AP1AR: variants seen among roughly 807,000 people sequenced by gnomAD.
AP1AR encodes AP-1 complex-associated regulatory protein.
AP1AR carries 29 observed loss-of-function variants against 46.3 expected under a neutral mutation model. That is an observed-to-expected ratio of 0.63 (90% CI 0.47 to 0.85). The LOEUF is 0.85. Ranked by LOEUF, AP1AR falls within the 40% of genes least tolerant of loss-of-function variation. The probability of loss-of-function intolerance (pLI) is 0.00; values close to 1 mark genes in which losing one functional copy is unlikely to be tolerated. For synonymous variants in AP1AR, 122 were observed against 122.9 expected (o/e 0.99, Z 0.05); for missense variants, 357 against 356.3 (o/e 1.00, Z -0.02).
chr4:112,234,377 G>C (rs1237848475), intron 1 of AP1AR, among the ~76,000 whole-genome samples: 1 of 152,180 alleles, frequency 6.6e-6, no homozygotes, highest in African/African-American at 2.4e-5. Context: ...TACTCAACTT[G>C]TGGTTGGATT....
chr4:112,237,254 G>A (rs1331454481), intron 1 of AP1AR, among the ~76,000 whole-genome samples: 3 of 151,958 alleles, frequency 2.0e-5, no homozygotes, highest in African/African-American at 7.2e-5. Flanking sequence ...TTACAGGTGT[G>A]TGCCACCACA....
chr4:112,263,995 A>C (rs959578344), intron 6 of AP1AR, among the ~76,000 whole-genome samples: 3 of 152,204 alleles, frequency 2.0e-5, no homozygotes, highest in African/African-American at 7.2e-5. Flanking sequence ...TGTAAAACTT[A>C]GAGAAACTGA....
chr4:112,255,475 G>T (rs1175644019), intron 3 of AP1AR, among the ~76,000 whole-genome samples: 2 of 152,036 alleles, frequency 1.3e-5, no homozygotes, highest in African/African-American at 4.8e-5. Context: ...TCGCTATGTT[G>T]CCCAGGCTGG....
chr4:112,270,762 G>T lies in AP1AR; in HGVS notation c.*2353G>T, dbSNP rs977437412. Among the ~76,000 whole-genome samples the T allele has an allele frequency of 6.6e-6, 1 of 152,154 alleles. No individual in the cohort carries two copies. The highest frequency in any genetic ancestry group is 2.4e-5 in the African/African-American group (1 of 41,448). On this transcript the variant is annotated 3_prime_UTR_variant, in exon 10 of 10. Transcript: ENST00000274000. ...AGTGGTATGAGATGATACTGGAGTGGTAGTTAAGGGCCAGATGATGCAAGA... is the reference window on the plus strand; with the variant it reads ...AGTGGTATGAGATGATACTGGAGTGTTAGTTAAGGGCCAGATGATGCAAGA...
chr4:112,241,936 CTT>C (rs1179329492), intron 1 of AP1AR, among the ~76,000 whole-genome samples: 1 of 151,852 alleles, frequency 6.6e-6, no homozygotes, highest in Non-Finnish European at 1.5e-5. Context: ...TTTTAATAGA[CTT>C]TGGAACAATT....
intron 1 of AP1AR, among the ~76,000 whole-genome samples, chr4:112,249,293 A>G (rs1441452327): frequency 6.6e-6 from 1 of 151,012 alleles, no homozygotes; most frequent in Non-Finnish European, 1.5e-5. Flanking sequence ...CTCTGTCTCC[A>G]AAAATAAAAT....
intron 1 of AP1AR, among the ~76,000 whole-genome samples, chr4:112,245,129 C>T (rs1490822930): frequency 6.6e-6 from 1 of 152,042 alleles, no homozygotes; most frequent in East Asian, 1.9e-4. Flanking sequence ...ATCAGATTTT[C>T]TTTTAACTTT....
chr4:112,265,834 C>A, intron 8 of AP1AR, 27 bp downstream of exon 8: 1 of 1,408,736 alleles, frequency 7.1e-7, no homozygotes, highest in Non-Finnish European at 1.0e-6. Context: ...ATTTTCTGTA[C>A]TTTTTATGCC....
rs1371252431 is a variant in AP1AR at position 112,270,821 on chromosome 4, G to A, written c.*2412G>A. On this transcript the variant is annotated 3_prime_UTR_variant, in exon 10 of 10. Transcript: ENST00000274000. Reference sequence around the variant, plus strand: ...ACCAAGAATGAGTTTTATTTGATGTGTAATAGAAAGCCACTGAAATTTTTT... The same window carrying A: ...ACCAAGAATGAGTTTTATTTGATGTATAATAGAAAGCCACTGAAATTTTTT... Among the ~76,000 whole-genome samples, 3 of 152,198 alleles carry A rather than the reference G, an allele frequency of 2.0e-5. No individual in the cohort carries two copies. Among genetic ancestry groups the A allele is most frequent in the Non-Finnish European group, 4.4e-5 (3 of 68,034 alleles).
intron 3 of AP1AR, among the ~76,000 whole-genome samples, chr4:112,255,677 T>G (rs183770429): frequency 1.3e-5 from 2 of 152,220 alleles, no homozygotes; most frequent in Non-Finnish European, 2.9e-5. Flanking sequence ...TTTCTTTATG[T>G]TGATTTTCTA....
At chr4:112,261,827 G>A (rs757202293) in intron 5 of AP1AR, among the ~76,000 whole-genome samples, 18 of 151,580 alleles carry the variant, frequency 1.2e-4, no homozygotes, top group Admixed American at 9.2e-4. Context: ...AAAATTAGCC[G>A]GGTATGGTAG....
intron 1 of AP1AR, among the ~76,000 whole-genome samples, chr4:112,246,430 C>A (rs1057395495): frequency 6.6e-6 from 1 of 152,184 alleles, no homozygotes; most frequent in Non-Finnish European, 1.5e-5. Flanking sequence ...CGCTTGAACC[C>A]AGGAGGCAGA....
chr4:112,236,982 G>A (rs185232128), intron 1 of AP1AR, among the ~76,000 whole-genome samples: 47 of 152,214 alleles, frequency 3.1e-4, no homozygotes, highest in African/African-American at 9.9e-4. Flanking sequence ...TTTAAACTTT[G>A]GACAAAGCAA....
rs553034017 is a variant in AP1AR, at chr4:112,265,371, C to G, written c.440+304C>G. On this transcript the variant is annotated intron_variant, in intron 7 of 9. Transcript: ENST00000274000. ...CCCAGTTGTTTGTGTTTTCCTTAGT[C>G]CCTCTCTTTCTTATAATAAAGTTTA... is the stretch of plus-strand genomic sequence containing the variant. The G allele has an allele frequency of 1.0e-4, 37 of 352,404 alleles. No homozygotes were observed. The South Asian group carries it at 2.3e-3, about 22-fold the overall frequency. The allele number at this position is 352,404 out of a possible 1,614,324, so 21.8% of individuals were successfully genotyped here.
chr4:112,265,705 A>T, intron 7 of AP1AR, 29 bp from the exon 8 acceptor site: 3 of 1,547,742 alleles, frequency 1.9e-6, no homozygotes, highest in Non-Finnish European at 2.7e-6. Context: ...CCATGAATAT[A>T]TTAAAAAATT....
At chr4:112,251,382 A>G (rs1340715942) in intron 1 of AP1AR, among the ~76,000 whole-genome samples, 1 of 152,254 alleles carries the variant, frequency 6.6e-6, no homozygotes, top group Non-Finnish European at 1.5e-5. Context: ...ATGTATAATT[A>G]GACTAGAACA....
In AP1AR at chr4:112,252,196, G is replaced by A. The variant is rs145785947; in HGVS notation, c.84-1012G>A. ...CAAAGCTGCAATGAGTCAGGATTGC[G>A]CCACTGCACTCCAGCTTGGGTGACA... On this transcript the variant is annotated intron_variant, in intron 1 of 9. Transcript: ENST00000274000. 2.4e-3 allele frequency among the ~76,000 whole-genome samples: 360 copies of A among 152,258 alleles called. 2 individuals are homozygous for A. Among genetic ancestry groups the A allele is most frequent in the African/African-American group, 8.3e-3 (345 of 41,554 alleles).
intron 1 of AP1AR, 103 bp from the exon 2 acceptor site, chr4:112,253,105 G>T (rs1726031437): frequency 1.3e-6 from 1 of 792,900 alleles, no homozygotes; most frequent in Non-Finnish European, 1.9e-6. Flanking sequence ...ATATGTTAGA[G>T]ATTTTAAAGT....
At chr4:112,243,444 A>G (rs1218312522) in intron 1 of AP1AR, among the ~76,000 whole-genome samples, 2 of 152,102 alleles carry the variant, frequency 1.3e-5, no homozygotes, top group African/African-American at 4.8e-5. Flanking sequence ...CACTTCTCTC[A>G]CTGACACCAC....
Sources: allele counts gnomAD v4.1 joint callset (sites outside exome capture counted in the v4.1 genomes callset), GRCh38; gene constraint gnomAD v4.1.1; transcripts MANE v1.5; gene names NCBI Gene and HGNC (gene_info 2026-07-23, HGNC 2026-07-21).